The following WWC1 variants were observed in gnomAD, a reference collection of about 807,000 sequenced individuals.
The protein encoded by WWC1 is WW and C2 domain containing 1.
WWC1 carries 55 observed loss-of-function variants against 138.4 expected under a neutral mutation model. That is an observed-to-expected ratio of 0.40 (90% CI 0.32 to 0.50). WWC1 has a LOEUF of 0.50. Among genes scored for constraint, WWC1 ranks in the 20% least tolerant of loss-of-function variants. WWC1 has a pLI of 0.72. For synonymous variants in WWC1, 524 were observed against 564.9 expected (o/e 0.93, Z 1.03); for missense variants, 1,226 against 1,420.4 (o/e 0.86, Z 2.20).
At chr5:168,311,174 T>A (rs1771039182) in intron 1 of WWC1, among the ~76,000 whole-genome samples, 1 of 151,936 alleles carries the variant, frequency 6.6e-6, no homozygotes, top group African/African-American at 2.4e-5. Flanking sequence ...ACTCCTCCCC[T>A]CCCCTCCCAG....
intron 9 of WWC1, among the ~76,000 whole-genome samples, chr5:168,418,175 C>T (rs962888218): frequency 5.3e-5 from 8 of 152,182 alleles, no homozygotes; most frequent in African/African-American, 1.7e-4. Flanking sequence ...ATAGACACAT[C>T]CAGGAGAGGC....
At chr5:168,395,676 C>T (rs1299378828) in intron 3 of WWC1, among the ~76,000 whole-genome samples, 2 of 152,286 alleles carry the variant, frequency 1.3e-5, no homozygotes, top group African/African-American at 4.8e-5. Context: ...CATCTCTGTA[C>T]ATGGATTCCC....
Position 168,292,125 on chromosome 5 carries a change from TG to T in WWC1, c.-23del. Reference sequence around the variant, plus strand: ...GCCCCCGCTGCGGCCGGGAGCTGCATGGGGGAGCGCCGGCAGCGCTTGGGAA... The same window carrying T: ...GCCCCCGCTGCGGCCGGGAGCTGCATGGGGAGCGCCGGCAGCGCTTGGGAA... On this transcript the variant is annotated 5_prime_UTR_variant, in exon 1 of 23. Transcript: ENST00000265293. This position sits in a 1 kb window ranked among gnomAD's most constrained non-coding sequence, Gnocchi z 4.4. 8 of 1,525,864 alleles carry T rather than the reference TG, an allele frequency of 5.2e-6. No homozygotes were observed. Among genetic ancestry groups the T allele is most frequent in the Non-Finnish European group, 7.0e-6 (8 of 1,136,438 alleles). The allele number at this position is 1,525,864 out of a possible 1,614,324, so 94.5% of individuals were successfully genotyped here.
chr5:168,340,384 C>T (rs1436451601), intron 1 of WWC1, among the ~76,000 whole-genome samples: 1 of 152,170 alleles, frequency 6.6e-6, no homozygotes, highest in East Asian at 1.9e-4. Context: ...AATTAAGTGG[C>T]TCTTAGTATA....
At chr5:168,352,658 G>A (rs1399971274) in intron 1 of WWC1, among the ~76,000 whole-genome samples, 3 of 150,572 alleles carry the variant, frequency 2.0e-5, no homozygotes, top group Non-Finnish European at 3.0e-5. Context: ...ATCTCGGCTC[G>A]CTGCAACCTC....
chr5:168,414,432 C>T lies in WWC1; in HGVS notation c.1026C>T (p.Ile342=). 1 of 1,593,066 alleles carries T rather than the reference C, an allele frequency of 6.3e-7. No homozygotes were observed. Among genetic ancestry groups the T allele is most frequent in the Non-Finnish European group, 8.6e-7 (1 of 1,169,162 alleles). The change falls in exon 9 of 23, where the codon ATC becomes ATT. Residue 342 remains isoleucine, a synonymous_variant. Coordinates refer to ENST00000265293, the MANE Select transcript of WWC1 (RefSeq NM_015238.3). ...TGGACTCAGAGAGGGACCGGCTGAT[C>T]CTTATCAACGAGAAGGAGGAGCTGC... The part of the protein sequence containing the change: ...GVLDSERDRL[I]LINEKEELLK...
intron 6 of WWC1, among the ~76,000 whole-genome samples, chr5:168,407,893 C>T (rs556001133): frequency 1.6e-4 from 25 of 151,870 alleles, no homozygotes; most frequent in African/African-American, 4.6e-4. Flanking sequence ...ACCAGGGTCT[C>T]GCTCTATCAC....
chr5:168,357,493 T>TGTGCGCGC (rs1353607261), intron 1 of WWC1, among the ~76,000 whole-genome samples: 3 of 119,810 alleles, frequency 2.5e-5, no homozygotes, highest in African/African-American at 1.3e-4. Context: ...TGTGTGTGTG[T>TGTGCGCGC]GCGCGCGCGC....
intron 11 of WWC1, among the ~76,000 whole-genome samples, chr5:168,424,732 C>G (rs768441527): frequency 6.6e-6 from 1 of 152,090 alleles, no homozygotes; most frequent in Non-Finnish European, 1.5e-5. Context: ...GAGAACTAGG[C>G]AAGAGTCCAG....
chr5:168,409,976 T>C lies in WWC1; in HGVS notation c.922T>C (p.Tyr308His). 2 of 1,613,922 alleles carry C rather than the reference T, an allele frequency of 1.2e-6. No homozygotes were observed. Among genetic ancestry groups the C allele is most frequent in the Non-Finnish European group, 1.7e-6 (2 of 1,179,902 alleles). Residue 308 changes from tyrosine (Y) to histidine (H), a missense_variant, in exon 8 of 23, where the codon TAT becomes CAT. Transcript: ENST00000265293. ...LAEKVRLRLR[Y>H]EEAKRRIANL... ...AGAGAAGGTCAGATTGCGCCTTCGA[T>C]ATGAAGAGGCTAAGAGAAGGTAATT... is the stretch of plus-strand genomic sequence containing the variant.
chr5:168,342,904 C>T (rs1351551237), intron 1 of WWC1, among the ~76,000 whole-genome samples: 1 of 152,134 alleles, frequency 6.6e-6, no homozygotes, highest in African/African-American at 2.4e-5. Context: ...TAGGGTTTAT[C>T]CAAGTGCCCA....
chr5:168,428,662 T>C (rs1333004497), intron 12 of WWC1, 45 bp from the exon 13 acceptor site: 2 of 1,593,340 alleles, frequency 1.3e-6, no homozygotes, highest in Non-Finnish European at 1.7e-6. Flanking sequence ...GAATAGTTTG[T>C]TCACTGTAGG....
rs573835311 is a variant in WWC1 at position 168,458,627 on chromosome 5, C to G, written c.2824-2023C>G. 4.2e-4 allele frequency among the ~76,000 whole-genome samples: 64 copies of G among 152,254 alleles called. 1 individual carries two copies. Among genetic ancestry groups the G allele is most frequent in the Admixed American group, 1.6e-3 (25 of 15,292 alleles). ...CATTTGTGGGTTGATTGACTTTGAC[C>G]AAATAGACACAGCCCATCCTAAATT... On this transcript the variant is annotated intron_variant, in intron 19 of 22. Coordinates refer to ENST00000265293, the MANE Select transcript of WWC1 (RefSeq NM_015238.3).
In WWC1 at chr5:168,455,525, G is replaced by A. The variant is rs777112547; in HGVS notation, c.2823+5G>A. 3.1e-6 allele frequency: 5 copies of A among 1,612,214 alleles called. No individual in the cohort carries two copies. The highest frequency in any genetic ancestry group is 4.2e-6 in the Non-Finnish European group (5 of 1,179,168). Reference sequence around the variant, plus strand: ...CAGAGCCAGTACGTGTGCCGGGTAAGTGAGCGTGCGGCCCTCTTCTGCTCC... The same window carrying A: ...CAGAGCCAGTACGTGTGCCGGGTAAATGAGCGTGCGGCCCTCTTCTGCTCC... On this transcript the variant is annotated splice_donor_5th_base_variant and intron_variant, in intron 19 of 22. Coordinates refer to ENST00000265293, the MANE Select transcript of WWC1 (RefSeq NM_015238.3).
At chr5:168,366,787 A>T (rs1171857560) in intron 1 of WWC1, among the ~76,000 whole-genome samples, 1 of 145,454 alleles carries the variant, frequency 6.9e-6, no homozygotes, top group Non-Finnish European at 1.5e-5. Flanking sequence ...CATTTGTATT[A>T]ATGACTTTGA....
At position 168,414,424 on chromosome 5, in the gene WWC1, C is replaced by G. The variant is rs575655082; in HGVS notation, c.1018C>G (p.Arg340Gly). Reference sequence around the variant, plus strand: ...TGGGGTGCTGGACTCAGAGAGGGACCGGCTGATCCTTATCAACGAGAAGGA... The same window carrying G: ...TGGGGTGCTGGACTCAGAGAGGGACGGGCTGATCCTTATCAACGAGAAGGA... ...WPGVLDSERDRLILINEKEEL... is the reference protein window; with the variant it reads ...WPGVLDSERDGLILINEKEEL... The change falls in exon 9 of 23, where the codon CGG becomes GGG. Residue 340 changes from arginine to glycine, a missense_variant. Transcript: ENST00000265293. The G allele has an allele frequency of 6.3e-7, 1 of 1,598,288 alleles. No individual in the cohort carries two copies. The highest frequency in any genetic ancestry group is 1.3e-5 in the African/African-American group (1 of 74,650).
At chr5:168,393,836 A>T (rs756237270) in intron 3 of WWC1, among the ~76,000 whole-genome samples, 4 of 152,192 alleles carry the variant, frequency 2.6e-5, no homozygotes, top group Non-Finnish European at 5.9e-5. Context: ...TCTGGACTCT[A>T]TGAGAGGAGA....
intron 2 of WWC1, among the ~76,000 whole-genome samples, chr5:168,384,713 C>CTTTTTTTT (rs762052940): frequency 2.0e-5 from 2 of 99,638 alleles, no homozygotes; most frequent in African/African-American, 3.9e-5. Context: ...CTGGTTTATT[C>CTTTTTTTT]TTTTTTTTTT....
intron 2 of WWC1, among the ~76,000 whole-genome samples, chr5:168,383,482 C>A (rs2152817523): frequency 6.6e-6 from 1 of 152,242 alleles, no homozygotes; most frequent in South Asian, 2.1e-4. Context: ...CTCATTGGAC[C>A]TGTTTAGGAG....
Sources: gnomAD v4.1 joint callset for allele counts (sites outside exome capture counted in the v4.1 genomes callset) on GRCh38, gnomAD v4.1.1 for gene constraint, Gnocchi (gnomAD v3.1) non-coding constraint, MANE v1.5 for transcripts, NCBI Gene and HGNC (gene_info 2026-07-23, HGNC 2026-07-21) for gene names.